The following WDR24 variants were observed in gnomAD, a reference collection of about 807,000 sequenced individuals.
The protein encoded by WDR24 is WD repeat domain 24, also known as GATOR2 complex protein WDR24.
WDR24 carries 32 observed loss-of-function variants against 66.7 expected under a neutral mutation model. That is an observed-to-expected ratio of 0.48 (90% CI 0.36 to 0.64). WDR24 has a LOEUF of 0.64. Among genes scored for constraint, WDR24 ranks in the 30% least tolerant of loss-of-function variants. WDR24 has a pLI of 0.00. For synonymous variants in WDR24, 565 were observed against 469.1 expected, an observed-to-expected ratio of 1.20 and a Z score of -2.64; for missense variants, 978 against 1,144.1, an observed-to-expected ratio of 0.85 and a Z score of 2.09.
At chr16:689,046 C>T (rs1046511611) in intron 1 of WDR24, 114 bp downstream of exon 1, 19 of 1,495,946 alleles carry the variant, frequency 1.3e-5, no homozygotes, top group Non-Finnish European at 1.7e-5. Flanking sequence ...CTGAGGAAGC[C>T]CTCTGGGAGT....
intron 3 of WDR24, 36 bp from the exon 4 acceptor site, chr16:686,222 G>A (rs532928354): frequency 1.2e-6 from 2 of 1,605,020 alleles, no homozygotes; most frequent in African/African-American, 1.3e-5. Context: ...GGGCGTCCTG[G>A]ACACCCAGCA....
Position 684,920 on chromosome 16 carries a change from G to T in WDR24, c.2205-18C>A. On this transcript the variant is annotated intron_variant, in intron 8 of 8. Transcript: ENST00000293883. ...GGTGGCACCTGGGGGCGGGCGGGAG[G>T]GAGGGTGCCTCAGCGGGGGCTGCTG... is the stretch of plus-strand genomic sequence containing the variant. 2.2e-6 allele frequency: 1 copy of T among 457,382 alleles called. No homozygotes were observed. 28.3% of individuals were successfully genotyped at this position (457,382 alleles called of 1,614,324 possible). A position where few individuals can be genotyped will look rare whatever the true frequency, so the allele number is the denominator to read the frequency against.
rs540706672 is a variant in WDR24, at chr16:685,572, C to T, written c.1704G>A (p.Pro568=). The T allele has an allele frequency of 2.5e-6, 4 of 1,589,508 alleles. No homozygotes were observed. The highest frequency in any genetic ancestry group is 2.7e-5 in the African/African-American group (2 of 74,652). Residue 568 remains proline (P), a synonymous_variant, in exon 7 of 9, where the codon CCG becomes CCA. Coordinates refer to ENST00000293883, the MANE Select transcript of WDR24 (RefSeq NM_032259.4). ...CGTGGCGCAGCGGAAAGGCCTCCTG[C>T]GGCAGCACGCACTCAGGGTCCTCGG... ...AHPEDPECVL[P]QEAFPLRHEI...
In WDR24 at chr16:685,929, C is replaced by T. The variant is rs2039897861; in HGVS notation, c.1513G>A (p.Gly505Arg). Residue 505 changes from glycine (G) to arginine (R), a missense_variant, in exon 5 of 9, where the codon GGA (glycine) becomes AGA (arginine). Coordinates refer to ENST00000293883, the MANE Select transcript of WDR24 (RefSeq NM_032259.4). The part of the protein sequence containing the change: ...GSETRLDRSK[G>R]DARSDTVLLD... ...AGAACTGTGTCGCTCCGTGCATCTC[C>T]TTTGCTGCGGTCCAGCCGCGTCTCA... The T allele has an allele frequency of 2.5e-6, 4 of 1,613,204 alleles. No homozygotes were observed. Among genetic ancestry groups the T allele is most frequent in the Non-Finnish European group, 3.4e-6 (4 of 1,179,994 alleles).
In WDR24 at chr16:690,129, G is replaced by A; in HGVS notation, c.-489C>T. On this transcript the variant is annotated 5_prime_UTR_variant, in exon 1 of 9. Transcript: ENST00000293883. ...GGGGAGGGAACAGAGGGCTAGAGGG[G>A]CCCGGGGACTCAGGCGATAGACGCG... 1 of 445,226 alleles carries A rather than the reference G, an allele frequency of 2.2e-6. No homozygotes were observed. Among genetic ancestry groups the A allele is most frequent in the Non-Finnish European group, 4.5e-6 (1 of 221,140 alleles). The allele number at this position is 445,226 out of a possible 1,614,324, so 27.6% of individuals were successfully genotyped here.
chr16:685,783 T>G lies in WDR24; in HGVS notation c.1574A>C (p.Asp525Ala). 1 of 1,613,264 alleles carries G rather than the reference T, an allele frequency of 6.2e-7. No homozygotes were observed. ...DSSATLITNE[D>A]NEETEGSDVP... ...GTCGCTGCCCTCGGTTTCCTCGTTA[T>G]CTGCCCGACAATGGGGCGGGCATTC... is the stretch of plus-strand genomic sequence containing the variant. Residue 525 changes from aspartate to alanine, a missense_variant and splice_region_variant, in exon 6 of 9, where the codon GAT becomes GCT. Physicochemically the swap from Asp to Ala is moderately radical, Grantham distance 126. Coordinates refer to ENST00000293883, the MANE Select transcript of WDR24 (RefSeq NM_032259.4).
Position 690,093 on chromosome 16 carries a change from G to T in WDR24, c.-453C>A. ...CCTGAGGGCGGCGGGGCTCTAGGGA[G>T]GAACAAAAGAGGGGAGGGAACAGAG... On this transcript the variant is annotated 5_prime_UTR_variant, in exon 1 of 9. Transcript: ENST00000293883. 1 of 461,712 alleles carries T rather than the reference G, an allele frequency of 2.2e-6. No homozygotes were observed. Among genetic ancestry groups the T allele is most frequent in the South Asian group, 1.5e-5 (1 of 64,612 alleles). 28.6% of individuals were successfully genotyped at this position (461,712 alleles called of 1,614,324 possible). A position where few individuals can be genotyped will look rare whatever the true frequency, so the allele number is the denominator to read the frequency against.
At chr16:686,693 C>T in intron 3 of WDR24, 51 bp downstream of exon 3, 1 of 1,536,500 alleles carries the variant, frequency 6.5e-7, no homozygotes. Flanking sequence ...AGGAACCAGC[C>T]CCTGCCCTGA....
At position 684,743 on chromosome 16, in the gene WDR24, C is replaced by A; in HGVS notation, c.2364G>T (p.Glu788Asp). ...HCPAGCGHLC[E>D]YS ...CCCAGCAGATGCCCCGTCAGGAGTA[C>A]TCGCAGAGGTGGCCGCAGCCTGCGG... The change falls in exon 9 of 9, where the codon GAG (glutamate) becomes GAT (aspartate). Residue 788 changes from glutamate (E) to aspartate (D), a missense_variant. Glu to Asp is a conservative substitution (Grantham distance 45). Around this residue, in one of 2 missense-constraint regions of WDR24, gnomAD observed 676 missense variants for 617.5 expected, o/e 1.09. Transcript: ENST00000293883. 1 of 1,596,774 alleles carries A rather than the reference C, an allele frequency of 6.3e-7. No homozygotes were observed. Among genetic ancestry groups the A allele is most frequent in the Non-Finnish European group, 8.5e-7 (1 of 1,172,888 alleles).
rs1187805628 is a variant in WDR24, at chr16:689,854, A to G, written c.-214T>C. The G allele has an allele frequency of 2.5e-6, 2 of 793,924 alleles. No individual in the cohort carries two copies. Among genetic ancestry groups the G allele is most frequent in the East Asian group, 2.7e-5 (1 of 37,508 alleles). The allele number at this position is 793,924 out of a possible 1,614,324, so 49.2% of individuals were successfully genotyped here. A position where few individuals can be genotyped will look rare whatever the true frequency, so the allele number is the denominator to read the frequency against. ...CAAATTCACTGGAGTCTGTCAGTCC[A>G]GCCCATCACCCTGGCTGAGCGGTGA... On this transcript the variant is annotated 5_prime_UTR_variant, in exon 1 of 9. Transcript: ENST00000293883.
Position 684,845 on chromosome 16 carries a change from G to T in WDR24, c.2262C>A (p.Phe754Leu). 6.5e-7 allele frequency: 1 copy of T among 1,535,386 alleles called. No homozygotes were observed. Among genetic ancestry groups the T allele is most frequent in the Non-Finnish European group, 8.8e-7 (1 of 1,139,504 alleles). The change falls in exon 9 of 9, where the codon TTC (phenylalanine) becomes TTA (leucine). Residue 754 changes from phenylalanine (F) to leucine (L), a missense_variant. Coordinates refer to ENST00000293883, the MANE Select transcript of WDR24 (RefSeq NM_032259.4). ...AVCHHVVKGL[F>L]VWCQGCSHGG... ...CGTGGCTGCAGCCCTGGCACCACAC[G>T]AAGAGACCCTTGACTACGTGGTGGC... is the stretch of plus-strand genomic sequence containing the variant.
chr16:686,033 C>T (rs780892660), intron 4 of WDR24, 35 bp downstream of exon 4: 4 of 1,612,782 alleles, frequency 2.5e-6, no homozygotes, highest in Non-Finnish European at 3.4e-6. Flanking sequence ...CTCGAGCAGC[C>T]CCAGCCCCTG....
At position 689,154 on chromosome 16, in the gene WDR24, C is replaced by G. The variant is rs1474979758; in HGVS notation, c.481+6G>C. Reference sequence around the variant, plus strand: ...CACCTGCCCTGACCTGCCTCTGTGGCCTCACCCGAGAAGGTGCTGACAGAG... The same window carrying G: ...CACCTGCCCTGACCTGCCTCTGTGGGCTCACCCGAGAAGGTGCTGACAGAG... On this transcript the variant is annotated splice_donor_region_variant and intron_variant, in intron 1 of 8. Coordinates refer to ENST00000293883, the MANE Select transcript of WDR24 (RefSeq NM_032259.4). 2 of 1,612,068 alleles carry G rather than the reference C, an allele frequency of 1.2e-6. No homozygotes were observed. The highest frequency in any genetic ancestry group is 2.7e-5 in the African/African-American group (2 of 74,930).
chr16:687,160 G>A lies in WDR24; in HGVS notation c.916C>T (p.Arg306Cys). The part of the protein sequence containing the change: ...HRDVTTGIAW[R>C]HPHDPSFLLS... ...AGGAAGGAGGGGTCGTGGGGGTGGC[G>A]CCAGGCAATTCCCGTGGTGACGTCT... Residue 306 changes from arginine (R) to cysteine (C), a missense_variant, in exon 3 of 9, where the codon CGC becomes TGC. Around this residue, in one of 2 missense-constraint regions of WDR24, gnomAD observed 302 missense variants for 526.6 expected, o/e 0.57. Transcript: ENST00000293883. 6.2e-7 allele frequency: 1 copy of A among 1,612,522 alleles called. No individual in the cohort carries two copies. Among genetic ancestry groups the A allele is most frequent in the Non-Finnish European group, 8.5e-7 (1 of 1,179,942 alleles).
Position 690,201 on chromosome 16 carries a change from G to C in WDR24, c.-561C>G. 3 of 391,224 alleles carry C rather than the reference G, an allele frequency of 7.7e-6. No homozygotes were observed. The highest frequency in any genetic ancestry group is 5.6e-5 in the South Asian group (3 of 53,688). 24.2% of individuals were successfully genotyped at this position (391,224 alleles called of 1,614,324 possible). ...AAGGACCGAGCTACTTAAGGAGCTC[G>C]AGGTGTCTGGCGGGACCGGAGGCAG... On this transcript the variant is annotated 5_prime_UTR_variant, in exon 1 of 9. Coordinates refer to ENST00000293883, the MANE Select transcript of WDR24 (RefSeq NM_032259.4).
chr16:687,930 A>G (rs1330185515), intron 1 of WDR24, 191 bp from the exon 2 acceptor site: 2 of 741,710 alleles, frequency 2.7e-6, no homozygotes, highest in South Asian at 1.5e-5. Flanking sequence ...TGGGCCCGGG[A>G]GCAGGACACC....
At position 689,804 on chromosome 16, in the gene WDR24, A is replaced by G; in HGVS notation, c.-164T>C. ...GTGAGCCAATCCAGGGCTGTCTATC[A>G]GCCAATCAGCCTGACAGGCAAGCTC... On this transcript the variant is annotated 5_prime_UTR_variant, in exon 1 of 9. Coordinates refer to ENST00000293883, the MANE Select transcript of WDR24 (RefSeq NM_032259.4). 2 of 1,098,610 alleles carry G rather than the reference A, an allele frequency of 1.8e-6. No individual in the cohort carries two copies. The highest frequency in any genetic ancestry group is 2.2e-4 in the Middle Eastern group (1 of 4,522). The allele number at this position is 1,098,610 out of a possible 1,614,324, so 68.1% of individuals were successfully genotyped here.
chr16:685,836 C>T, intron 5 of WDR24, 33 bp downstream of exon 5: 1 of 1,613,042 alleles, frequency 6.2e-7, no homozygotes. Flanking sequence ...CCCCACCCCT[C>T]TCCCATCAGC....
chr16:687,979 G>A (rs1328697276), intron 1 of WDR24: 16 of 669,934 alleles, frequency 2.4e-5, no homozygotes, highest in East Asian at 8.7e-5. Flanking sequence ...GTCATTTGCC[G>A]TAGATTCTGC....
Sources: allele counts gnomAD v4.1 joint callset, GRCh38; gene constraint gnomAD v4.1.1; regional missense constraint gnomAD v4.1.1; transcripts MANE v1.5; gene names NCBI Gene and HGNC (gene_info 2026-07-23, HGNC 2026-07-21).